The following EDIL3 variants were observed in gnomAD, a reference collection of about 807,000 sequenced individuals.
EDIL3 encodes EGF-like repeat and discoidin I-like domain-containing protein 3.
EDIL3 carries 37 observed loss-of-function variants against 67.4 expected under a neutral mutation model. That is an observed-to-expected ratio of 0.55 (90% confidence interval 0.42 to 0.72). The LOEUF is 0.72. Among genes scored for constraint, EDIL3 ranks in the 30% least tolerant of loss-of-function variants. The pLI is 0.00. For missense variants in EDIL3, 527 were observed against 586.3 expected (o/e 0.90, Z 1.04); for synonymous variants, 195 against 196.3 (o/e 0.99, Z 0.05).
chr5:84,117,659 A>C (rs575902564), intron 5 of EDIL3, among the ~76,000 whole-genome samples: 2 of 152,108 alleles, frequency 1.3e-5, no homozygotes, highest in South Asian at 4.1e-4. Context: ...TTTGAAAAAA[A>C]AAAAGCCCAT....
chr5:84,288,351 C>A (rs1245026110), intron 1 of EDIL3, among the ~76,000 whole-genome samples: 1 of 152,122 alleles, frequency 6.6e-6, no homozygotes, highest in Non-Finnish European at 1.5e-5. Flanking sequence ...AACCTCATTT[C>A]TTTGCTTTTA....
intron 1 of EDIL3, among the ~76,000 whole-genome samples, chr5:84,321,243 G>A (rs1746642738): frequency 6.6e-6 from 1 of 151,948 alleles, no homozygotes; most frequent in Non-Finnish European, 1.5e-5. Context: ...CTCAGCTTCT[G>A]TTATTTTGAA....
At chr5:84,349,764 T>C (rs1454076418) in intron 1 of EDIL3, among the ~76,000 whole-genome samples, 1 of 152,206 alleles carries the variant, frequency 6.6e-6, no homozygotes, top group Non-Finnish European at 1.5e-5. Flanking sequence ...TATTTCATAG[T>C]ATAGGTATAC....
intron 9 of EDIL3, among the ~76,000 whole-genome samples, chr5:83,982,195 G>A (rs1407769875): frequency 6.6e-6 from 1 of 151,994 alleles, no homozygotes; most frequent in African/African-American, 2.4e-5. Flanking sequence ...TTCCCAATAT[G>A]TTCTTCCACT....
intron 5 of EDIL3, among the ~76,000 whole-genome samples, chr5:84,133,361 G>A (rs758366504): frequency 2.7e-5 from 4 of 150,354 alleles, no homozygotes; most frequent in African/African-American, 7.4e-5. Context: ...AGTAGCTCAT[G>A]CCTGTAATCC....
At chr5:84,187,521 T>C (rs1031434628) in intron 3 of EDIL3, among the ~76,000 whole-genome samples, 3 of 152,110 alleles carry the variant, frequency 2.0e-5, no homozygotes, top group Admixed American at 2.0e-4. Flanking sequence ...AAAATAAATG[T>C]ACACTTTATG....
At chr5:84,316,498 C>T (rs1056480733) in intron 1 of EDIL3, among the ~76,000 whole-genome samples, 3 of 152,034 alleles carry the variant, frequency 2.0e-5, no homozygotes, top group African/African-American at 7.2e-5. Flanking sequence ...CAACAAAGAT[C>T]AAAAGAGACA....
At chr5:84,131,211 T>C (rs1337799295) in intron 5 of EDIL3, among the ~76,000 whole-genome samples, 1 of 152,168 alleles carries the variant, frequency 6.6e-6, no homozygotes, top group African/African-American at 2.4e-5. Context: ...GTATTTTACA[T>C]ATGCTATGAA....
chr5:84,061,476 A>T (rs543373459), intron 8 of EDIL3, among the ~76,000 whole-genome samples: 1 of 152,244 alleles, frequency 6.6e-6, no homozygotes, highest in South Asian at 2.1e-4. Context: ...AAACTGTTAA[A>T]TTTTGGTCAA....
intron 1 of EDIL3, among the ~76,000 whole-genome samples, chr5:84,269,646 A>G (rs1014318336): frequency 2.4e-4 from 37 of 152,180 alleles, no homozygotes; most frequent in African/African-American, 8.2e-4. Context: ...TGATCTAGGA[A>G]TAAACAATAA....
In EDIL3 at chr5:84,384,370, T is replaced by C; in HGVS notation, c.5A>G (p.Lys2Arg). 2 of 1,612,350 alleles carry C rather than the reference T, an allele frequency of 1.2e-6. No individual in the cohort carries two copies. Among genetic ancestry groups the C allele is most frequent in the Non-Finnish European group, 1.7e-6 (2 of 1,179,286 alleles). Reference protein sequence around the residue: MKRSVAVWLLVG... With the variant: MRRSVAVWLLVG... ...CAAGAGCCAGACGGCTACCGAGCGC[T>C]TCATGATCCCGTCTCCCGGACGTGA... The change falls in exon 1 of 11, where the codon AAG becomes AGG. Residue 2 changes from lysine to arginine, a missense_variant. By Grantham distance (26) the Lys-to-Arg change is conservative. Transcript: ENST00000296591.
chr5:84,132,305 A>C (rs184699465), intron 5 of EDIL3, among the ~76,000 whole-genome samples: 10,545 of 70,776 alleles, frequency 0.15, 718 homozygotes, highest in African/African-American at 0.2. Flanking sequence ...TTTATATATA[A>C]TATATATTAT....
At chr5:84,303,850 T>G (rs201145801) in intron 1 of EDIL3, among the ~76,000 whole-genome samples, 1,467 of 98,742 alleles carry the variant, frequency 0.015, 7 homozygotes, top group Non-Finnish European at 0.02. Flanking sequence ...GTGTGTGTGT[T>G]TGTGTGTGTG....
chr5:84,075,890 G>GCACACACACA (rs10530772), intron 6 of EDIL3, among the ~76,000 whole-genome samples: 2,477 of 144,946 alleles, frequency 0.017, 70 homozygotes, highest in East Asian at 0.077. Flanking sequence ...AAGTGTGCAC[G>GCACACACACA]CACACACACA....
chr5:83,947,738 T>C lies in EDIL3; in HGVS notation c.1294-4170A>G, dbSNP rs545656075. Among the ~76,000 whole-genome samples, 33 of 151,974 alleles carry C rather than the reference T, an allele frequency of 2.2e-4. No individual in the cohort carries two copies. The Middle Eastern group carries it at 0.01, about 47-fold the overall frequency. ...TCTTTTTAGAAGACTAAAATGTGTA[T>C]CTCTCACTTCAGTCTATTGAATCTA... On this transcript the variant is annotated intron_variant, in intron 10 of 10. Transcript: ENST00000296591.
intron 1 of EDIL3, among the ~76,000 whole-genome samples, chr5:84,345,336 G>A (rs1279446342): frequency 6.6e-6 from 1 of 152,106 alleles, no homozygotes; most frequent in Non-Finnish European, 1.5e-5. Context: ...TTGCTCAAAT[G>A]TTCTTTTCAA....
At chr5:84,244,857 G>A (rs1015240197) in intron 2 of EDIL3, among the ~76,000 whole-genome samples, 10 of 152,288 alleles carry the variant, frequency 6.6e-5, no homozygotes, top group Admixed American at 2.6e-4. Flanking sequence ...TCCGCCTCCC[G>A]TCAGATCAGC....
chr5:84,367,154 A>T (rs1452784809), intron 1 of EDIL3, among the ~76,000 whole-genome samples: 2 of 152,224 alleles, frequency 1.3e-5, no homozygotes, highest in Non-Finnish European at 2.9e-5. Flanking sequence ...GGAAGCACAG[A>T]TAACAGTTTG....
Position 84,235,736 on chromosome 5 carries a change from CA to C in EDIL3, c.197-5853del, listed in dbSNP as rs1744669681. On this transcript the variant is annotated intron_variant, in intron 2 of 10. Coordinates refer to ENST00000296591, the MANE Select transcript of EDIL3 (RefSeq NM_005711.5). ...CATTTTGTAATATTATTAAATTAATCAAAGAAAGCCTTACATCTCTGTATAT... is the reference window on the plus strand; with the variant it reads ...CATTTTGTAATATTATTAAATTAATCAAGAAAGCCTTACATCTCTGTATAT... Among the ~76,000 whole-genome samples the C allele has an allele frequency of 2.0e-5, 3 of 151,866 alleles. No individual in the cohort carries two copies. The South Asian group carries it at 6.2e-4, about 31-fold the overall frequency.
Sources: allele counts gnomAD v4.1 joint callset (sites outside exome capture counted in the v4.1 genomes callset), GRCh38; gene constraint gnomAD v4.1.1; transcripts MANE v1.5; gene names NCBI Gene and HGNC (gene_info 2026-07-23, HGNC 2026-07-21).